Variants in FGGY observed in about 807,000 individuals in gnomAD.
FGGY encodes FGGY carbohydrate kinase domain containing.
Under a neutral mutation model 71.3 loss-of-function variants are expected in FGGY, and 72 were observed. The ratio of observed to expected loss-of-function variants is 1.01; its 90% CI spans 0.84 to 1.23. The LOEUF (loss-of-function observed/expected upper bound fraction) is 1.23, where lower values mean the gene tolerates loss of function less well. Among genes scored for constraint, FGGY ranks in the 50% most tolerant of loss-of-function variants. The pLI, the probability that FGGY is intolerant of heterozygous loss-of-function variation, is 0.00. For synonymous variants in FGGY, 251 were observed against 250.3 expected (o/e 1.00, Z -0.02); for missense variants, 668 against 682.3 (o/e 0.98, Z 0.23).
intron 6 of FGGY, among the ~76,000 whole-genome samples, chr1:59,472,270 G>T (rs1202080142): frequency 6.6e-6 from 1 of 152,238 alleles, no homozygotes; most frequent in African/African-American, 2.4e-5. Flanking sequence ...CTTAGCACCT[G>T]GGCCAGCAGC....
intron 5 of FGGY, among the ~76,000 whole-genome samples, chr1:59,453,583 C>A (rs2153504982): frequency 6.6e-6 from 1 of 152,218 alleles, no homozygotes; most frequent in African/African-American, 2.4e-5. Flanking sequence ...CCAAGACAAC[C>A]TGGGGGTATC....
At chr1:59,686,724 G>A (rs138193662) in intron 14 of FGGY, among the ~76,000 whole-genome samples, 36 of 152,016 alleles carry the variant, frequency 2.4e-4, no homozygotes, top group African/African-American at 5.1e-4. Context: ...ACTATTAGCC[G>A]TATGATTCAT....
chr1:59,297,479 G>GA lies in FGGY; in HGVS notation c.-15+332dup, dbSNP rs1444279897. On this transcript the variant is annotated intron_variant, in intron 1 of 15. Coordinates refer to ENST00000303721, the MANE Select transcript of FGGY (RefSeq NM_018291.5). ...TGTTTGGTTACAGTTATCCTGAGTA[G>GA]AAAGGCCTAGGGATATCTTTTCATT... 2.2e-4 allele frequency among the ~76,000 whole-genome samples: 33 copies of GA among 151,746 alleles called. 1 individual carries two copies. Among genetic ancestry groups the GA allele is most frequent in the Non-Finnish European group, 1.2e-4 (8 of 68,036 alleles).
At chr1:59,374,438 A>G (rs2058284742) in intron 4 of FGGY, among the ~76,000 whole-genome samples, 1 of 152,176 alleles carries the variant, frequency 6.6e-6, no homozygotes, top group South Asian at 2.1e-4. Context: ...AAATAGGAAC[A>G]CTTTTACACT....
At chr1:59,621,122 G>A (rs115231139) in intron 9 of FGGY, among the ~76,000 whole-genome samples, 110 of 152,014 alleles carry the variant, frequency 7.2e-4, no homozygotes, top group African/African-American at 2.2e-3. Context: ...AAGAGAAAAC[G>A]GTTGTATTCC....
intron 7 of FGGY, among the ~76,000 whole-genome samples, chr1:59,519,225 G>T (rs117430489): frequency 1.3e-5 from 2 of 152,260 alleles, no homozygotes; most frequent in East Asian, 3.9e-4. Context: ...GATCCACTCT[G>T]CTCTTTAATT....
intron 7 of FGGY, among the ~76,000 whole-genome samples, chr1:59,532,766 A>G (rs1210467604): frequency 1.3e-5 from 2 of 152,178 alleles, no homozygotes; most frequent in Non-Finnish European, 2.9e-5. Flanking sequence ...CACAGGGCCT[A>G]TCTAGTGCAA....
At chr1:59,306,773 T>G (rs2043498843) in intron 1 of FGGY, among the ~76,000 whole-genome samples, 1 of 152,180 alleles carries the variant, frequency 6.6e-6, no homozygotes. Context: ...GAATATACAG[T>G]GACATATGTA....
intron 2 of FGGY, among the ~76,000 whole-genome samples, chr1:59,323,910 C>T (rs930495277): frequency 7.2e-5 from 11 of 152,108 alleles, no homozygotes; most frequent in East Asian, 3.8e-4. Context: ...TCAAAGTCTA[C>T]GGCGGGGGAG....
intron 1 of FGGY, among the ~76,000 whole-genome samples, chr1:59,307,313 CAAAAAAAAAAAAAA>C (rs398049311): frequency 1.5e-5 from 1 of 67,382 alleles, no homozygotes; most frequent in Admixed American, 1.7e-4. Flanking sequence ...GACCCTGTCT[CAAAAAAAAAAAAAA>C]AAAAAAAAAA....
chr1:59,321,283 T>C (rs544988754), intron 1 of FGGY, among the ~76,000 whole-genome samples: 7 of 152,184 alleles, frequency 4.6e-5, no homozygotes, highest in Non-Finnish European at 4.4e-5. Context: ...TAAATAATTA[T>C]GTATTTAAAT....
intron 7 of FGGY, among the ~76,000 whole-genome samples, chr1:59,531,421 C>T (rs890678197): frequency 1.3e-5 from 2 of 151,992 alleles, no homozygotes; most frequent in Non-Finnish European, 2.9e-5. Context: ...GGGCTGTCCT[C>T]TTGGTCCCCC....
chr1:59,710,529 A>G (rs1205396427), intron 14 of FGGY, among the ~76,000 whole-genome samples: 1 of 152,224 alleles, frequency 6.6e-6, no homozygotes, highest in African/African-American at 2.4e-5. Context: ...AAGGGGAGAA[A>G]ATTTTTGCAA....
At chr1:59,610,694 T>C (rs868626039) in intron 9 of FGGY, among the ~76,000 whole-genome samples, 48 of 152,220 alleles carry the variant, frequency 3.2e-4, no homozygotes, top group African/African-American at 1.1e-3. Context: ...CCACAGACCG[T>C]GAGCCGAAGC....
chr1:59,683,394 G>T (rs758277074), intron 14 of FGGY, among the ~76,000 whole-genome samples: 2 of 152,204 alleles, frequency 1.3e-5, no homozygotes, highest in Non-Finnish European at 2.9e-5. Flanking sequence ...AAGCAGGGTT[G>T]TTGGGGGATT....
At chr1:59,508,599 T>C (rs1294879436) in intron 6 of FGGY, among the ~76,000 whole-genome samples, 1 of 152,146 alleles carries the variant, frequency 6.6e-6, no homozygotes, top group Non-Finnish European at 1.5e-5. Context: ...AGAGTGTGAT[T>C]TTGAAGGGGT....
At chr1:59,421,628 C>T (rs957596097) in intron 5 of FGGY, among the ~76,000 whole-genome samples, 6 of 151,688 alleles carry the variant, frequency 4.0e-5, no homozygotes, top group Non-Finnish European at 8.8e-5. Flanking sequence ...TTTTTCTGGC[C>T]TTCATTTGGG....
At chr1:59,320,314 T>C (rs2046170362) in intron 1 of FGGY, among the ~76,000 whole-genome samples, 1 of 152,234 alleles carries the variant, frequency 6.6e-6, no homozygotes, top group Admixed American at 6.5e-5. Context: ...GCTGGTTGAT[T>C]TTCTTTCAGA....
intron 14 of FGGY, among the ~76,000 whole-genome samples, chr1:59,756,740 C>T (rs1000090049): frequency 1.3e-5 from 2 of 152,064 alleles, no homozygotes; most frequent in Non-Finnish European, 2.9e-5. Flanking sequence ...AGGCAGACAA[C>T]GAACACATAA....
Sources: gnomAD v4.1 joint callset for allele counts (sites outside exome capture counted in the v4.1 genomes callset) on GRCh38, gnomAD v4.1.1 for gene constraint, MANE v1.5 for transcripts, NCBI Gene and HGNC (gene_info 2026-07-23, HGNC 2026-07-21) for gene names.